Variants in LPP observed in about 807,000 individuals in gnomAD.
LPP encodes LIM domain containing preferred translocation partner in lipoma, also known as lipoma-preferred partner.
Under a neutral mutation model 60.4 loss-of-function variants are expected in LPP, and 38 were observed. The ratio of observed to expected loss-of-function variants is 0.63; its 90% CI spans 0.49 to 0.83. The LOEUF (loss-of-function observed/expected upper bound fraction) is 0.83, where lower values mean the gene tolerates loss of function less well. Ranked by LOEUF, LPP falls within the 40% of genes least tolerant of loss-of-function variation. The pLI, the probability that LPP is intolerant of heterozygous loss-of-function variation, is 0.00. For missense variants in LPP, 902 were observed against 783.6 expected, an observed-to-expected ratio of 1.15 and a Z score of -1.80; for synonymous variants, 328 against 290.8, an observed-to-expected ratio of 1.13 and a Z score of -1.30.
At chr3:188,185,544 C>T (rs992547213) in intron 1 of LPP, among the ~76,000 whole-genome samples, 3 of 151,988 alleles carry the variant, frequency 2.0e-5, no homozygotes, top group Non-Finnish European at 4.4e-5. Flanking sequence ...ATTCTCTTTT[C>T]CCTCTATATA....
intron 2 of LPP, among the ~76,000 whole-genome samples, chr3:188,287,782 G>T (rs1744465284): frequency 6.6e-6 from 1 of 152,174 alleles, no homozygotes; most frequent in Non-Finnish European, 1.5e-5. Context: ...CCTAGAAATG[G>T]CAGGCTGTAT....
At chr3:188,451,703 A>G (rs907698777) in intron 4 of LPP, among the ~76,000 whole-genome samples, 3 of 152,178 alleles carry the variant, frequency 2.0e-5, no homozygotes, top group African/African-American at 7.2e-5. Context: ...GTGTGTGCTT[A>G]CTTGATGCAG....
At chr3:188,458,511 C>T (rs1307686455) in intron 4 of LPP, among the ~76,000 whole-genome samples, 1 of 152,124 alleles carries the variant, frequency 6.6e-6, no homozygotes, top group Non-Finnish European at 1.5e-5. Flanking sequence ...AATGTTTAAA[C>T]ATATACAAAG....
chr3:188,750,207 A>G (rs369950824), intron 8 of LPP, among the ~76,000 whole-genome samples: 2 of 152,222 alleles, frequency 1.3e-5, no homozygotes, highest in East Asian at 1.9e-4. Flanking sequence ...CCTGATCAAC[A>G]CTTTTTAATA....
In LPP at chr3:188,879,064, G is replaced by T. The variant is rs1044869296; in HGVS notation, c.*4585G>T. 5 of 227,754 alleles carry T rather than the reference G, an allele frequency of 2.2e-5. No individual in the cohort carries two copies. The highest frequency in any genetic ancestry group is 3.5e-5 in the Non-Finnish European group (4 of 114,706). The allele number at this position is 227,754 out of a possible 1,614,324, so 14.1% of individuals were successfully genotyped here. Reference sequence around the variant, plus strand: ...AGTGGTCCAGACAAGTTCAAAACTTGTTCTCAGTGAGGCATTAATATGGTG... The same window carrying T: ...AGTGGTCCAGACAAGTTCAAAACTTTTTCTCAGTGAGGCATTAATATGGTG... On this transcript the variant is annotated 3_prime_UTR_variant, in exon 12 of 12. Transcript: ENST00000617246.
At chr3:188,231,246 G>T (rs535790152) in intron 2 of LPP, among the ~76,000 whole-genome samples, 1 of 152,302 alleles carries the variant, frequency 6.6e-6, no homozygotes, top group Non-Finnish European at 1.5e-5. Context: ...CCAGGAGGTG[G>T]AGTTACACGG....
At chr3:188,627,344 G>A (rs934306828) in intron 7 of LPP, among the ~76,000 whole-genome samples, 1 of 152,130 alleles carries the variant, frequency 6.6e-6, no homozygotes, top group Non-Finnish European at 1.5e-5. Flanking sequence ...AAAGGACACC[G>A]AGTGTCAAAT....
In LPP at chr3:188,592,551, G is replaced by GTT. The variant is rs1553936326; in HGVS notation, c.430-16606_430-16605dup. ...AATGAGTATCACTGTTTTTAGTTTT[G>GTT]TTTTTGTTTTTTAAATGGAGTCTCA... On this transcript the variant is annotated intron_variant, in intron 6 of 11. Coordinates refer to ENST00000617246, the MANE Select transcript of LPP (RefSeq NM_001375462.1). 2.5e-3 allele frequency among the ~76,000 whole-genome samples: 244 copies of GTT among 98,212 alleles called. 5 individuals are homozygous for GTT. The highest frequency in any genetic ancestry group is 8.0e-3 in the African/African-American group (231 of 28,696). The allele number at this position is 98,212 out of a possible 152,430, so 64.4% of individuals were successfully genotyped here.
chr3:188,595,398 C>T (rs1839796575), intron 6 of LPP, among the ~76,000 whole-genome samples: 1 of 152,162 alleles, frequency 6.6e-6, no homozygotes, highest in Non-Finnish European at 1.5e-5. Context: ...AATGAACCCC[C>T]ATCAGTCATT....
At chr3:188,291,763 CTATGATG>C (rs1340727718) in intron 2 of LPP, among the ~76,000 whole-genome samples, 2 of 151,788 alleles carry the variant, frequency 1.3e-5, no homozygotes, top group Admixed American at 6.6e-5. Flanking sequence ...TATGACATCT[CTATGATG>C]TAGGCAAGGC....
intron 4 of LPP, among the ~76,000 whole-genome samples, chr3:188,408,616 T>A (rs1434252547): frequency 6.6e-6 from 1 of 152,202 alleles, no homozygotes; most frequent in Non-Finnish European, 1.5e-5. Context: ...CACATCTTAT[T>A]CTTTGACTTA....
At chr3:188,519,959 C>T (rs1818415869) in intron 5 of LPP, among the ~76,000 whole-genome samples, 1 of 152,134 alleles carries the variant, frequency 6.6e-6, no homozygotes, top group African/African-American at 2.4e-5. Context: ...TGAAATATGA[C>T]CCATTCAAAA....
chr3:188,776,384 C>T (rs1289838264), intron 9 of LPP, among the ~76,000 whole-genome samples: 1 of 152,116 alleles, frequency 6.6e-6, no homozygotes, highest in Non-Finnish European at 1.5e-5. Flanking sequence ...ATTATAGCTT[C>T]TAGGATCAAA....
chr3:188,745,026 C>T (rs1399599335), intron 8 of LPP, among the ~76,000 whole-genome samples: 1 of 151,858 alleles, frequency 6.6e-6, no homozygotes, highest in Non-Finnish European at 1.5e-5. Flanking sequence ...AACTGTTCTC[C>T]CTATCCTTCA....
At chr3:188,578,326 T>G (rs1168072994) in intron 6 of LPP, among the ~76,000 whole-genome samples, 1 of 152,050 alleles carries the variant, frequency 6.6e-6, no homozygotes, top group Non-Finnish European at 1.5e-5. Context: ...GCCTCCTTCC[T>G]AGCAGCCAGG....
chr3:188,599,751 G>GGGTGTGTGT (rs374294307), intron 6 of LPP, among the ~76,000 whole-genome samples: 7 of 139,828 alleles, frequency 5.0e-5, no homozygotes, highest in African/African-American at 1.9e-4. Context: ...ACTCGTTAGG[G>GGGTGTGTGT]GTGTGTGTGT....
intron 4 of LPP, among the ~76,000 whole-genome samples, chr3:188,441,040 G>GTA (rs1448644657): frequency 6.6e-6 from 1 of 151,534 alleles, no homozygotes; most frequent in East Asian, 1.9e-4. Flanking sequence ...GTGTGTGTGT[G>GTA]TGTGTGCGTG....
At chr3:188,829,711 G>A (rs754643038) in intron 9 of LPP, among the ~76,000 whole-genome samples, 22 of 152,156 alleles carry the variant, frequency 1.4e-4, no homozygotes, top group Middle Eastern at 3.4e-3. Context: ...ATACATACTG[G>A]GTTTGAAAAA....
intron 5 of LPP, among the ~76,000 whole-genome samples, chr3:188,511,469 A>G (rs991137112): frequency 2.0e-5 from 3 of 151,910 alleles, no homozygotes; most frequent in African/African-American, 7.3e-5. Context: ...TGGCTTTTCA[A>G]TTGTAATTGT....
Sources: allele counts gnomAD v4.1 joint callset (sites outside exome capture counted in the v4.1 genomes callset), GRCh38; gene constraint gnomAD v4.1.1; transcripts MANE v1.5; gene names NCBI Gene and HGNC (gene_info 2026-07-23, HGNC 2026-07-21).